The following DPY19L2 variants were observed in gnomAD, a reference collection of about 807,000 sequenced individuals.
The protein encoded by DPY19L2 is probable C-mannosyltransferase DPY19L2.
Under a neutral mutation model 97.9 loss-of-function variants are expected in DPY19L2, and 34 were observed. The ratio of observed to expected loss-of-function variants is 0.35; its 90% confidence interval spans 0.26 to 0.46. The LOEUF is 0.46. DPY19L2 is among the 20% of genes least tolerant of loss of function. DPY19L2 has a pLI of 1.00. For synonymous variants in DPY19L2, 230 were observed against 307.9 expected, an observed-to-expected ratio of 0.75 and a Z score of 2.65; for missense variants, 623 against 911.4, an observed-to-expected ratio of 0.68 and a Z score of 4.07.
chr12:63,630,120 T>C lies in DPY19L2; in HGVS notation c.804-3594A>G, dbSNP rs544684208. Among the ~76,000 whole-genome samples the C allele has an allele frequency of 8.0e-4, 122 of 152,194 alleles. 1 individual carries two copies. Among genetic ancestry groups the C allele is most frequent in the Non-Finnish European group, 1.5e-3 (101 of 68,008 alleles). On this transcript the variant is annotated intron_variant, in intron 6 of 21. Transcript: ENST00000324472. ...CCAGCCACTGCTAAAACATGCCAAA[T>C]TGTAAAGACCATCAAAGCTAGGAAG...
chr12:63,608,162 A>G (rs1319655640), intron 12 of DPY19L2, among the ~76,000 whole-genome samples: 2 of 152,162 alleles, frequency 1.3e-5, no homozygotes, highest in Non-Finnish European at 2.9e-5. Flanking sequence ...GGAAAATGTT[A>G]AAAGGACAAA....
intron 6 of DPY19L2, among the ~76,000 whole-genome samples, chr12:63,641,767 T>C (rs1253993596): frequency 5.3e-5 from 8 of 152,144 alleles, no homozygotes; most frequent in Non-Finnish European, 7.4e-5. Flanking sequence ...TACTATATTA[T>C]TGTATGTACT....
chr12:63,664,320 G>C (rs1896062919), intron 2 of DPY19L2, among the ~76,000 whole-genome samples: 1 of 151,388 alleles, frequency 6.6e-6, no homozygotes, highest in African/African-American at 2.4e-5. Context: ...CTGGGCGACA[G>C]AGTGAGACTC....
intron 19 of DPY19L2, among the ~76,000 whole-genome samples, chr12:63,580,112 A>C (rs760531616): frequency 1.3e-5 from 2 of 152,086 alleles, no homozygotes; most frequent in Non-Finnish European, 2.9e-5. Flanking sequence ...GGAGTATTTA[A>C]AAGTAGGATG....
chr12:63,649,512 T>C (rs934034611), intron 4 of DPY19L2, among the ~76,000 whole-genome samples: 4 of 152,016 alleles, frequency 2.6e-5, no homozygotes, highest in African/African-American at 4.8e-5. Flanking sequence ...ATTGACCCTG[T>C]AGAAAAGCAA....
chr12:63,658,692 T>C (rs552401713), intron 4 of DPY19L2, among the ~76,000 whole-genome samples: 2 of 152,306 alleles, frequency 1.3e-5, no homozygotes, highest in East Asian at 1.9e-4. Flanking sequence ...CTGTGTGATG[T>C]GACTTGTCCT....
At chr12:63,640,563 A>C (rs775323138) in intron 6 of DPY19L2, among the ~76,000 whole-genome samples, 4 of 152,172 alleles carry the variant, frequency 2.6e-5, no homozygotes, top group Non-Finnish European at 4.4e-5. Context: ...GGTAACAAAT[A>C]CAAAAGTTTT....
intron 12 of DPY19L2, among the ~76,000 whole-genome samples, chr12:63,604,982 C>G (rs1458291385): frequency 6.6e-6 from 1 of 152,108 alleles, no homozygotes; most frequent in Non-Finnish European, 1.5e-5. Flanking sequence ...TTTCAGCAGA[C>G]AGTCACTTTG....
At chr12:63,631,226 A>G (rs1276318577) in intron 6 of DPY19L2, among the ~76,000 whole-genome samples, 1 of 152,154 alleles carries the variant, frequency 6.6e-6, no homozygotes, top group African/African-American at 2.4e-5. Context: ...TCAGAGCAGA[A>G]CTGAAGGAGA....
Position 63,564,463 on chromosome 12 carries a change from C to T in DPY19L2, c.2127-3801G>A, listed in dbSNP as rs778273127. Among the ~76,000 whole-genome samples the T allele has an allele frequency of 4.6e-4, 70 of 152,164 alleles. 1 individual carries two copies. Among genetic ancestry groups the T allele is most frequent in the Middle Eastern group, 6.8e-3 (2 of 294 alleles). ...TTAGGTCAACATACGTTGAAACTAA[C>T]CCTCCTTTTGTTTCTTCTTGACCAT... On this transcript the variant is annotated intron_variant, in intron 21 of 21. Transcript: ENST00000324472.
chr12:63,589,268 A>C (rs2093580402), intron 16 of DPY19L2, among the ~76,000 whole-genome samples: 1 of 149,468 alleles, frequency 6.7e-6, no homozygotes. Context: ...AGATTATATG[A>C]TAACCTGCCT....
At chr12:63,570,943 A>G (rs1453286208) in intron 19 of DPY19L2, 86 bp from the exon 20 acceptor site, 1 of 1,359,018 alleles carries the variant, frequency 7.4e-7, no homozygotes, top group Non-Finnish European at 1.0e-6. Context: ...GTGAACCCAA[A>G]TTAAGAAGGA....
intron 16 of DPY19L2, among the ~76,000 whole-genome samples, chr12:63,593,696 C>G (rs1883586773): frequency 6.6e-6 from 1 of 151,884 alleles, no homozygotes; most frequent in African/African-American, 2.4e-5. Flanking sequence ...TGCTAAATGA[C>G]AAGTTAATGG....
At chr12:63,625,365 C>T (rs1388039031) in intron 7 of DPY19L2, among the ~76,000 whole-genome samples, 1 of 151,700 alleles carries the variant, frequency 6.6e-6, no homozygotes, top group Non-Finnish European at 1.5e-5. Flanking sequence ...CCACTGCACT[C>T]CAGCCTGGGT....
chr12:63,577,869 T>C (rs1279109583), intron 19 of DPY19L2, among the ~76,000 whole-genome samples: 3 of 152,142 alleles, frequency 2.0e-5, no homozygotes, highest in African/African-American at 7.2e-5. Flanking sequence ...ACAACCACTA[T>C]GTAGAAGAGT....
Position 63,626,492 on chromosome 12 carries a change from A to T in DPY19L2, c.838T>A (p.Cys280Ser), listed in dbSNP as rs1889549549. 2 of 1,583,626 alleles carry T rather than the reference A, an allele frequency of 1.3e-6. No individual in the cohort carries two copies. Among genetic ancestry groups the T allele is most frequent in the Non-Finnish European group, 8.5e-7 (1 of 1,170,878 alleles). The change falls in exon 7 of 22, where the codon TGC becomes AGC. Residue 280 changes from cysteine to serine, a missense_variant. Coordinates refer to ENST00000324472, the MANE Select transcript of DPY19L2 (RefSeq NM_173812.5). ...TQLGGLITVL[C>S]FFFNHGEATR... ...ACCTCTCCATGGTTGAAAAAGAAGC[A>T]CAGTACTGTAATAAGACCTCCCAGT...
intron 6 of DPY19L2, among the ~76,000 whole-genome samples, chr12:63,642,601 T>A (rs1892853961): frequency 6.6e-6 from 1 of 152,086 alleles, no homozygotes; most frequent in Non-Finnish European, 1.5e-5. Flanking sequence ...CTCTTCCATA[T>A]ATCAAATGCC....
chr12:63,622,155 T>C (rs1245450757), intron 8 of DPY19L2, among the ~76,000 whole-genome samples: 1 of 152,192 alleles, frequency 6.6e-6, no homozygotes, highest in Non-Finnish European at 1.5e-5. Flanking sequence ...AAATTACTTT[T>C]GACTAAGACA....
intron 16 of DPY19L2, among the ~76,000 whole-genome samples, chr12:63,588,128 T>C (rs1458128927): frequency 6.6e-6 from 1 of 152,026 alleles, no homozygotes; most frequent in African/African-American, 2.4e-5. Context: ...ACTAAGGACA[T>C]AAACATATAA....
Sources: allele counts gnomAD v4.1 joint callset (sites outside exome capture counted in the v4.1 genomes callset), GRCh38; gene constraint gnomAD v4.1.1; transcripts MANE v1.5; gene names NCBI Gene and HGNC (gene_info 2026-07-23, HGNC 2026-07-21).